The following NLGN4X variants were observed in gnomAD, a reference collection of about 807,000 sequenced individuals.
NLGN4X encodes the protein neuroligin 4 X-linked.
Under a neutral mutation model 40.3 loss-of-function variants are expected in NLGN4X, and 3 were observed. That is an observed-to-expected ratio of 0.07 (90% CI 0.03 to 0.19). The LOEUF (loss-of-function observed/expected upper bound fraction) is 0.19. NLGN4X is among the 10% of genes least tolerant of loss of function. The probability of loss-of-function intolerance (pLI) is 1.00; values close to 1 mark genes in which losing one functional copy is unlikely to be tolerated. For missense variants in NLGN4X, 382 were observed against 708.3 expected, an observed-to-expected ratio of 0.54 and a Z score of 5.23; for synonymous variants, 270 against 306.8, an observed-to-expected ratio of 0.88 and a Z score of 1.25.
chrX:5,961,736 T>C (rs2034669138), intron 3 of NLGN4X, among the ~76,000 whole-genome samples: 1 of 112,185 alleles, frequency 8.9e-6, no homozygotes, highest in African/African-American at 3.2e-5. Flanking sequence ...GAAAAGCAGT[T>C]CTTTGCCGTG....
chrX:6,138,366 A>G (rs2039869706), intron 2 of NLGN4X, among the ~76,000 whole-genome samples: 4 of 111,722 alleles, frequency 3.6e-5, no homozygotes, highest in Non-Finnish European at 7.5e-5. Flanking sequence ...GTTTTCTAAG[A>G]CTTCCAAAGC....
intron 3 of NLGN4X, among the ~76,000 whole-genome samples, chrX:5,970,882 T>C (rs2035002976): frequency 9.0e-6 from 1 of 111,554 alleles, no homozygotes; most frequent in Admixed American, 9.6e-5. Context: ...CCTGGACTTT[T>C]AAAATCTCAG....
rs1437804016 is a variant in NLGN4X at position 6,151,143 on chromosome X, A to G, written c.324T>C (p.Ala108=). The part of the protein sequence containing the change: ...TGIRNTTQFA[A]VCPQHLDERS... ...TCTCATCCAGGTGCTGGGGGCACAC[A>G]GCAGCAAACTGAGTAGTATTTCGGA... is the stretch of plus-strand genomic sequence containing the variant. Residue 108 remains alanine (A), a synonymous_variant, in exon 2 of 6, where the codon GCT becomes GCC. Transcript: ENST00000381095. The G allele has an allele frequency of 2.5e-6, 3 of 1,211,917 alleles. No individual in the cohort carries two copies. The highest frequency in any genetic ancestry group is 4.3e-5 in the Admixed American group (2 of 46,075).
chrX:6,196,590 T>C (rs919763761), intron 1 of NLGN4X, among the ~76,000 whole-genome samples: 5 of 92,817 alleles, frequency 5.4e-5, no homozygotes, highest in African/African-American at 1.9e-4. Flanking sequence ...AAGTGTCTCA[T>C]GTGTAGTCAT....
At chrX:6,037,302 T>C (rs2037039799) in intron 2 of NLGN4X, among the ~76,000 whole-genome samples, 1 of 98,978 alleles carries the variant, frequency 1.0e-5, no homozygotes, top group African/African-American at 4.3e-5. Flanking sequence ...CCAGACCTTA[T>C]CACAAAAAAA....
At chrX:6,174,156 C>T (rs1285201019) in intron 1 of NLGN4X, among the ~76,000 whole-genome samples, 2 of 111,675 alleles carry the variant, frequency 1.8e-5, no homozygotes, top group Admixed American at 1.9e-4. Flanking sequence ...AATCAATAAA[C>T]ATCTGAAAAA....
intron 3 of NLGN4X, among the ~76,000 whole-genome samples, chrX:5,951,469 G>A (rs775394442): frequency 9.0e-6 from 1 of 111,170 alleles, no homozygotes; most frequent in Admixed American, 9.6e-5. Context: ...GGGGGGTTGG[G>A]GAGCAGTATA....
At chrX:6,217,613 A>AT (rs1240478604) in intron 1 of NLGN4X, among the ~76,000 whole-genome samples, 84 of 108,911 alleles carry the variant, frequency 7.7e-4, no homozygotes, top group African/African-American at 2.1e-3. Flanking sequence ...TTGTCAGAAG[A>AT]TTTTTTTTTT....
chrX:6,215,141 T>C, intron 1 of NLGN4X, among the ~76,000 whole-genome samples: 1 of 112,745 alleles, frequency 8.9e-6, no homozygotes, highest in East Asian at 2.8e-4. Context: ...TTTGCTTTAT[T>C]TTGCCCATTT....
At chrX:6,195,830 C>T (rs1429829857) in intron 1 of NLGN4X, among the ~76,000 whole-genome samples, 1 of 110,101 alleles carries the variant, frequency 9.1e-6, no homozygotes, top group Non-Finnish European at 1.9e-5. Context: ...ACTCTTTTAC[C>T]CAGGCTGGAA....
intron 2 of NLGN4X, among the ~76,000 whole-genome samples, chrX:6,033,395 A>G (rs1041319173): frequency 8.0e-5 from 9 of 112,252 alleles, no homozygotes; most frequent in Admixed American, 2.8e-4. Context: ...AGCACTACCC[A>G]CTATTCACTC....
At chrX:5,951,889 T>C (rs1446508620) in intron 3 of NLGN4X, among the ~76,000 whole-genome samples, 1 of 112,192 alleles carries the variant, frequency 8.9e-6, no homozygotes, top group Non-Finnish European at 1.9e-5. Flanking sequence ...TCTGGAAATA[T>C]TGCCAGAGCA....
At chrX:5,976,881 A>T (rs2035193293) in intron 3 of NLGN4X, among the ~76,000 whole-genome samples, 1 of 112,918 alleles carries the variant, frequency 8.9e-6, no homozygotes, top group African/African-American at 3.2e-5. Flanking sequence ...GAGATGACCA[A>T]CTCAGTGTCA....
chrX:6,072,911 A>T (rs1232600576), intron 2 of NLGN4X, among the ~76,000 whole-genome samples: 1 of 112,402 alleles, frequency 8.9e-6, no homozygotes, highest in East Asian at 2.8e-4. Context: ...TTACTGCCAT[A>T]TTCATTGTAC....
intron 3 of NLGN4X, among the ~76,000 whole-genome samples, chrX:5,938,775 C>T (rs888586103): frequency 9.0e-6 from 1 of 111,315 alleles, no homozygotes; most frequent in Admixed American, 9.6e-5. Context: ...CAGAAAAACA[C>T]AAGGAGAAGG....
At chrX:6,156,441 G>A (rs1024990186) in intron 1 of NLGN4X, among the ~76,000 whole-genome samples, 4 of 110,069 alleles carry the variant, frequency 3.6e-5, no homozygotes, top group African/African-American at 6.6e-5. Flanking sequence ...CCCAGGAGGC[G>A]GAGCTTGCAG....
intron 1 of NLGN4X, among the ~76,000 whole-genome samples, chrX:6,213,990 T>C (rs1924845356): frequency 8.9e-6 from 1 of 111,981 alleles, no homozygotes; most frequent in Non-Finnish European, 1.9e-5. Context: ...CTCAAATCCT[T>C]AGATGGGGAG....
chrX:6,034,271 T>C (rs926098735), intron 2 of NLGN4X, among the ~76,000 whole-genome samples: 6 of 112,134 alleles, frequency 5.4e-5, no homozygotes, highest in Non-Finnish European at 7.5e-5. Flanking sequence ...TTCTTTTACT[T>C]AGCATATGTT....
intron 1 of NLGN4X, among the ~76,000 whole-genome samples, chrX:6,209,137 T>C (rs941118981): frequency 6.3e-5 from 7 of 111,496 alleles, no homozygotes; most frequent in Admixed American, 5.7e-4. Context: ...AAACAGAAAG[T>C]CAAAAACCAC....
Sources: allele counts gnomAD v4.1 joint callset (sites outside exome capture counted in the v4.1 genomes callset), GRCh38; gene constraint gnomAD v4.1.1; transcripts MANE v1.5; gene names NCBI Gene and HGNC (gene_info 2026-07-23, HGNC 2026-07-21).